FGF12: variants seen among roughly 807,000 people sequenced by gnomAD.
FGF12 encodes fibroblast growth factor 12B.
A neutral mutation model predicts 23.6 loss-of-function variants in FGF12; 14 were observed. The observed-to-expected ratio is 0.59, with a 90% CI of 0.39 to 0.93. FGF12 has a LOEUF of 0.93. FGF12 is among the 40% of genes least tolerant of loss of function. The pLI is 0.00. For synonymous variants in FGF12, 62 were observed against 77.3 expected, an observed-to-expected ratio of 0.80 and a Z score of 1.04; for missense variants, 175 against 217.8, an observed-to-expected ratio of 0.80 and a Z score of 1.24.
intron 2 of FGF12, among the ~76,000 whole-genome samples, chr3:192,484,216 C>G (rs1031623706): frequency 2.7e-5 from 4 of 149,924 alleles, no homozygotes; most frequent in Non-Finnish European, 5.9e-5. Context: ...AGAGTACTCT[C>G]TATTATCACC....
chr3:192,706,314 T>C (rs1718467299), intron 2 of FGF12, among the ~76,000 whole-genome samples: 1 of 152,156 alleles, frequency 6.6e-6, no homozygotes, highest in African/African-American at 2.4e-5. Context: ...CACATGCTTT[T>C]ATAAACTGGA....
intron 2 of FGF12, among the ~76,000 whole-genome samples, chr3:192,419,554 C>T (rs989344720): frequency 2.0e-5 from 3 of 152,050 alleles, no homozygotes; most frequent in African/African-American, 4.8e-5. Flanking sequence ...AGGAGCAATA[C>T]CATGGGAAGT....
intron 2 of FGF12, among the ~76,000 whole-genome samples, chr3:192,570,080 A>G (rs771074094): frequency 2.6e-4 from 39 of 152,222 alleles, no homozygotes; most frequent in African/African-American, 9.4e-4. Context: ...AAATGAGTGA[A>G]TAGTTAGGAT....
intron 4 of FGF12, among the ~76,000 whole-genome samples, chr3:192,257,587 C>A: frequency 6.6e-6 from 1 of 152,082 alleles, no homozygotes; most frequent in East Asian, 1.9e-4. Flanking sequence ...GCAGTGGTGG[C>A]TAAGTGTAGT....
chr3:192,378,251 C>G lies in FGF12; in HGVS notation c.14-17713G>C, dbSNP rs1047630425. 6.0e-5 allele frequency among the ~76,000 whole-genome samples: 9 copies of G among 149,570 alleles called. 1 individual carries two copies. Among genetic ancestry groups the G allele is most frequent in the African/African-American group, 2.3e-4 (9 of 39,114 alleles). ...TTAGCCTCCTGAGTAGCTGGGACTA[C>G]AGGCGTGTGCTATCATGCCTAGCTA... On this transcript the variant is annotated intron_variant, in intron 2 of 5. Coordinates refer to ENST00000445105, the MANE Select transcript of FGF12 (RefSeq NM_004113.6).
intron 4 of FGF12, among the ~76,000 whole-genome samples, chr3:192,180,992 A>C (rs1716139833): frequency 1.3e-5 from 2 of 152,272 alleles, no homozygotes; most frequent in South Asian, 4.1e-4. Flanking sequence ...GAATTTGTGG[A>C]GCAAGGTGCC....
intron 2 of FGF12, among the ~76,000 whole-genome samples, chr3:192,681,553 G>T (rs547896374): frequency 5.9e-5 from 9 of 152,284 alleles, no homozygotes; most frequent in African/African-American, 2.2e-4. Context: ...CCTCTGCCTT[G>T]CCTCTACCAA....
chr3:192,158,393 C>CTTTTCTT (rs1368589642), intron 5 of FGF12, among the ~76,000 whole-genome samples: 39 of 79,266 alleles, frequency 4.9e-4, no homozygotes, highest in African/African-American at 1.2e-3. Flanking sequence ...TTTTCTTTCT[C>CTTTTCTT]TCTCTTTCTT....
At chr3:192,576,314 GAATGTTACCC>G (rs1301777531) in intron 2 of FGF12, among the ~76,000 whole-genome samples, 1 of 152,188 alleles carries the variant, frequency 6.6e-6, no homozygotes, top group African/African-American at 2.4e-5. Flanking sequence ...CAAAGGCAGG[GAATGTTACCC>G]AATCACACAG....
chr3:192,673,329 A>C (rs998263692), intron 2 of FGF12: 9 of 151,136 alleles, frequency 6.0e-5, no homozygotes, highest in African/African-American at 2.2e-4. Context: ...AAGTATTATA[A>C]TAAATTGCCC....
At chr3:192,614,842 T>C (rs980706098) in intron 2 of FGF12, among the ~76,000 whole-genome samples, 4 of 151,998 alleles carry the variant, frequency 2.6e-5, no homozygotes, top group African/African-American at 7.2e-5. Context: ...CCGCAATCTC[T>C]AGACAGAGGA....
At chr3:192,458,922 C>T (rs1722770241) in intron 2 of FGF12, among the ~76,000 whole-genome samples, 1 of 152,092 alleles carries the variant, frequency 6.6e-6, no homozygotes, top group Admixed American at 6.5e-5. Context: ...GGCAGTTTCT[C>T]CTATGCTGTT....
rs185985648 is a variant in FGF12, at chr3:192,536,986, C to T, written c.14-176448G>A. Among the ~76,000 whole-genome samples, 107 of 152,258 alleles carry T rather than the reference C, an allele frequency of 7.0e-4. No individual in the cohort carries two copies. The Middle Eastern group carries it at 0.014, about 19-fold the overall frequency. ...CTAGCCTCTGGTAACCATCATTCTA[C>T]TGTCTATCCCCCTGAGTTCAATTGT... On this transcript the variant is annotated intron_variant, in intron 2 of 5. Transcript: ENST00000445105.
intron 4 of FGF12, among the ~76,000 whole-genome samples, chr3:192,215,624 A>G (rs760139858): frequency 6.6e-6 from 1 of 152,172 alleles, no homozygotes; most frequent in African/African-American, 2.4e-5. Context: ...TGTACCTATT[A>G]TCTCCTAGCA....
intron 2 of FGF12, among the ~76,000 whole-genome samples, chr3:192,577,531 T>C (rs1277471210): frequency 6.6e-6 from 1 of 152,210 alleles, no homozygotes; most frequent in South Asian, 2.1e-4. Context: ...GTTGGAGAGA[T>C]GAAACCAGAA....
At chr3:192,199,935 C>G (rs28452424) in intron 4 of FGF12, among the ~76,000 whole-genome samples, 2,988 of 152,168 alleles carry the variant, frequency 0.02, 107 homozygotes, top group African/African-American at 0.069. Context: ...TGTACTTGCT[C>G]AGGGATTTTC....
intron 4 of FGF12, among the ~76,000 whole-genome samples, chr3:192,233,049 A>G (rs1168957977): frequency 6.6e-6 from 1 of 152,150 alleles, no homozygotes; most frequent in Non-Finnish European, 1.5e-5. Context: ...GATAATTTAT[A>G]TTCCTTTGGG....
At chr3:192,148,512 T>A (rs1262352448) in intron 5 of FGF12, among the ~76,000 whole-genome samples, 1 of 152,208 alleles carries the variant, frequency 6.6e-6, no homozygotes, top group African/African-American at 2.4e-5. Flanking sequence ...GAAAAAGTTC[T>A]GGAGTTGGAT....
At chr3:192,718,921 C>T (rs1332967508) in intron 2 of FGF12, among the ~76,000 whole-genome samples, 1 of 149,742 alleles carries the variant, frequency 6.7e-6, no homozygotes, top group Non-Finnish European at 1.5e-5. Context: ...AGAAAGAATA[C>T]AAACAAGCTT....
Sources: allele counts gnomAD v4.1 joint callset (sites outside exome capture counted in the v4.1 genomes callset), GRCh38; gene constraint gnomAD v4.1.1; transcripts MANE v1.5; gene names NCBI Gene and HGNC (gene_info 2026-07-23, HGNC 2026-07-21).